CNTN4: variants seen among roughly 807,000 people sequenced by gnomAD.
The protein encoded by CNTN4 is contactin-4.
In CNTN4, 77 loss-of-function variants were observed where a neutral mutation model predicts 122.5. That is an observed-to-expected ratio of 0.63 (90% CI 0.52 to 0.76). The LOEUF (loss-of-function observed/expected upper bound fraction) is 0.76, where lower values mean the gene tolerates loss of function less well. CNTN4 is among the 30% of genes least tolerant of loss of function. CNTN4 has a pLI of 0.00. For synonymous variants in CNTN4, 512 were observed against 447.0 expected (o/e 1.15, Z -1.83); for missense variants, 1,256 against 1,259.1 (o/e 1.00, Z 0.04).
intron 3 of CNTN4, 128 bp from the exon 4 acceptor site, chr3:2,571,288 C>T: frequency 1.7e-6 from 1 of 600,376 alleles, no homozygotes; most frequent in Non-Finnish European, 3.0e-6. Context: ...TTAACATGTC[C>T]CTTTCTTCCC....
At chr3:2,870,882 A>G (rs1414459777) in intron 8 of CNTN4, among the ~76,000 whole-genome samples, 10 of 152,334 alleles carry the variant, frequency 6.6e-5, no homozygotes, top group Non-Finnish European at 8.8e-5. Context: ...ACAGTGAGTC[A>G]TAAAAGTTGA....
intron 2 of CNTN4, among the ~76,000 whole-genome samples, chr3:2,175,930 C>G (rs1342666067): frequency 6.6e-6 from 1 of 152,178 alleles, no homozygotes; most frequent in Admixed American, 6.5e-5. Flanking sequence ...TATCTGCCCT[C>G]TTTACCAACC....
At chr3:2,866,379 A>G in intron 7 of CNTN4, 2 of 786,846 alleles carry the variant, frequency 2.5e-6, no homozygotes, top group African/African-American at 3.7e-5. Context: ...GGTGGCTTCC[A>G]GCATTACTAT....
At chr3:2,610,189 T>C (rs2081421452) in intron 4 of CNTN4, among the ~76,000 whole-genome samples, 1 of 152,192 alleles carries the variant, frequency 6.6e-6, no homozygotes, top group South Asian at 2.1e-4. Context: ...AAGATATTAT[T>C]AAAATATTAT....
At chr3:2,808,687 G>A (rs537166784) in intron 6 of CNTN4, among the ~76,000 whole-genome samples, 3 of 152,168 alleles carry the variant, frequency 2.0e-5, no homozygotes, top group Non-Finnish European at 2.9e-5. Context: ...GGGTGGGAGA[G>A]TATTTATTTT....
intron 12 of CNTN4, among the ~76,000 whole-genome samples, chr3:2,917,331 CGGAATA>C (rs372331002): frequency 3.0e-5 from 4 of 134,920 alleles, no homozygotes; most frequent in African/African-American, 1.1e-4. Context: ...TGGTGGAAAG[CGGAATA>C]GGGAGAGGAA....
chr3:2,301,819 C>T (rs2042536874), intron 2 of CNTN4, among the ~76,000 whole-genome samples: 1 of 152,306 alleles, frequency 6.6e-6, no homozygotes. Flanking sequence ...CTTCCCCTGT[C>T]TTTAAAACAA....
intron 8 of CNTN4, among the ~76,000 whole-genome samples, chr3:2,867,738 C>T (rs539184886): frequency 6.6e-6 from 1 of 152,014 alleles, no homozygotes; most frequent in East Asian, 2.0e-4. Flanking sequence ...CCCTGCCACC[C>T]AACCATGCTG....
At chr3:2,445,019 C>CTA (rs2048571106) in intron 3 of CNTN4, among the ~76,000 whole-genome samples, 1 of 143,868 alleles carries the variant, frequency 7.0e-6, no homozygotes, top group East Asian at 2.0e-4. Context: ...AAAAATCTAT[C>CTA]TCTCTATCTA....
intron 4 of CNTN4, among the ~76,000 whole-genome samples, chr3:2,650,571 A>G (rs1163504109): frequency 2.0e-5 from 3 of 152,214 alleles, no homozygotes; most frequent in Admixed American, 1.3e-4. Context: ...GACTCAATCA[A>G]TGCAGCAAAC....
At chr3:2,238,128 T>C (rs17010993) in intron 2 of CNTN4, among the ~76,000 whole-genome samples, 4 of 152,250 alleles carry the variant, frequency 2.6e-5, no homozygotes, top group South Asian at 2.1e-4. Context: ...ATTTGCAGGC[T>C]ATGAACAATT....
chr3:2,772,967 G>T (rs2149786067), intron 6 of CNTN4, among the ~76,000 whole-genome samples: 1 of 152,300 alleles, frequency 6.6e-6, no homozygotes, highest in Non-Finnish European at 1.5e-5. Context: ...AGTTGAAAAT[G>T]TCCAGTACAA....
chr3:2,354,385 G>C (rs775521565), intron 3 of CNTN4, among the ~76,000 whole-genome samples: 2 of 152,132 alleles, frequency 1.3e-5, no homozygotes, highest in Admixed American at 6.5e-5. Flanking sequence ...GGAAAAATTA[G>C]CCAGGTGTGG....
In CNTN4 at chr3:3,042,937, T is replaced by A. The variant is rs376204024; in HGVS notation, c.2512-40T>A. 3.3e-6 allele frequency: 5 copies of A among 1,534,516 alleles called. No homozygotes were observed. The Admixed American group carries it at 6.7e-5, about 21-fold the overall frequency. Reference sequence around the variant, plus strand: ...CCTGATGACATTGCAAATATCCCCATTGGGTATGGTTTCCAAGGTCTTTCT... The same window carrying A: ...CCTGATGACATTGCAAATATCCCCAATGGGTATGGTTTCCAAGGTCTTTCT... On this transcript the variant is annotated intron_variant, in intron 21 of 24. Transcript: ENST00000418658.
At chr3:2,845,438 GTAAA>G (rs2093439867) in intron 7 of CNTN4, among the ~76,000 whole-genome samples, 1 of 151,772 alleles carries the variant, frequency 6.6e-6, no homozygotes, top group Admixed American at 6.6e-5. Context: ...TACTTTATTA[GTAAA>G]TAAAGATAAG....
intron 7 of CNTN4, among the ~76,000 whole-genome samples, chr3:2,828,559 A>G (rs2093035530): frequency 6.6e-6 from 1 of 152,184 alleles, no homozygotes; most frequent in Admixed American, 6.5e-5. Flanking sequence ...CACCTTTTAT[A>G]ATATAATTTC....
rs548614130 is a variant in CNTN4, at chr3:2,964,732, A to T, written c.1359-23613A>T. 3.3e-5 allele frequency among the ~76,000 whole-genome samples: 5 copies of T among 152,326 alleles called. No individual in the cohort carries two copies. In the East Asian group the frequency reaches 9.6e-4, roughly 29 times the overall value. The stretch of plus-strand genomic sequence containing the variant: ...TAGTTTTCAAAGAACTTATTTGTAA[A>T]TTAATTTTTAAAAATCCCTACAAAG... On this transcript the variant is annotated intron_variant, in intron 13 of 24. Coordinates refer to ENST00000418658, the MANE Select transcript of CNTN4 (RefSeq NM_175607.3).
At chr3:2,574,017 G>C (rs1416664667) in intron 4 of CNTN4, among the ~76,000 whole-genome samples, 1 of 152,090 alleles carries the variant, frequency 6.6e-6, no homozygotes, top group African/African-American at 2.4e-5. Flanking sequence ...AGGAGTTAGA[G>C]ACCAGCCTGA....
At chr3:2,187,218 G>T (rs1468525562) in intron 2 of CNTN4, among the ~76,000 whole-genome samples, 1 of 152,160 alleles carries the variant, frequency 6.6e-6, no homozygotes, top group Admixed American at 6.5e-5. Context: ...AGTCATGTTT[G>T]TCAAAGATCA....
Sources: gnomAD v4.1 joint callset for allele counts (sites outside exome capture counted in the v4.1 genomes callset) on GRCh38, gnomAD v4.1.1 for gene constraint, MANE v1.5 for transcripts, NCBI Gene and HGNC (gene_info 2026-07-23, HGNC 2026-07-21) for gene names.